PRKG1: variants seen among roughly 807,000 people sequenced by gnomAD.
PRKG1 encodes the protein protein kinase cGMP-dependent 1, also known as cGMP-dependent protein kinase 1.
In PRKG1, 35 loss-of-function variants were observed where a neutral mutation model predicts 88.1. The ratio of observed to expected loss-of-function variants is 0.40; its 90% confidence interval spans 0.30 to 0.53. PRKG1 has a LOEUF of 0.53. Among genes scored for constraint, PRKG1 ranks in the 20% least tolerant of loss-of-function variants. The pLI is 0.59. For missense variants in PRKG1, 540 were observed against 839.8 expected (o/e 0.64, Z 4.41); for synonymous variants, 303 against 292.5 (o/e 1.04, Z -0.37).
At chr10:51,600,552 A>G (rs1838571027) in intron 3 of PRKG1, among the ~76,000 whole-genome samples, 1 of 150,492 alleles carries the variant, frequency 6.6e-6, no homozygotes, top group African/African-American at 2.5e-5. Context: ...AAGTAAAAAG[A>G]AGCAGGTAAA....
intron 3 of PRKG1, among the ~76,000 whole-genome samples, chr10:51,677,837 C>T (rs1440846414): frequency 6.6e-6 from 1 of 152,068 alleles, no homozygotes; most frequent in African/African-American, 2.4e-5. Flanking sequence ...CCCTGGTTTG[C>T]GCATCAGAAG....
At chr10:51,358,097 A>G (rs759269216) in intron 2 of PRKG1, among the ~76,000 whole-genome samples, 20 of 151,882 alleles carry the variant, frequency 1.3e-4, no homozygotes, top group Non-Finnish European at 2.7e-4. Context: ...GAATTTGTGA[A>G]ATGCTCAGCT....
chr10:51,524,215 T>A (rs1205219409), intron 3 of PRKG1, among the ~76,000 whole-genome samples: 1 of 152,206 alleles, frequency 6.6e-6, no homozygotes, highest in Admixed American at 6.5e-5. Flanking sequence ...CATGAGTCAA[T>A]TAAACATCTT....
intron 17 of PRKG1, among the ~76,000 whole-genome samples, chr10:52,293,303 G>A (rs866364151): frequency 6.5e-4 from 98 of 151,730 alleles, no homozygotes; most frequent in Middle Eastern, 3.4e-3. Context: ...TCATGGGTAG[G>A]AAGAATCAAT....
chr10:51,585,019 T>C lies in PRKG1; in HGVS notation c.592+117183T>C, dbSNP rs565556075. Among the ~76,000 whole-genome samples the C allele has an allele frequency of 1.5e-4, 23 of 152,260 alleles. No individual in the cohort carries two copies. The South Asian group carries it at 4.8e-3, about 32-fold the overall frequency. The stretch of plus-strand genomic sequence containing the variant: ...GAATAACAAGTGATAGAATAGGTCT[T>C]ATTAGCAAAATGCATGATAAAATGG... On this transcript the variant is annotated intron_variant, in intron 3 of 17. Transcript: ENST00000373980.
At chr10:52,093,441 A>G (rs1275917992) in intron 7 of PRKG1, among the ~76,000 whole-genome samples, 1 of 152,184 alleles carries the variant, frequency 6.6e-6, no homozygotes, top group Non-Finnish European at 1.5e-5. Context: ...TATTTTATGC[A>G]AAAGCAAATT....
At chr10:51,178,832 G>C (rs1229810313) in intron 2 of PRKG1, among the ~76,000 whole-genome samples, 1 of 151,986 alleles carries the variant, frequency 6.6e-6, no homozygotes, top group African/African-American at 2.4e-5. Context: ...TGAAATTATT[G>C]ATGATGTAAC....
intron 3 of PRKG1, among the ~76,000 whole-genome samples, chr10:51,775,247 T>C (rs971257587): frequency 5.3e-5 from 8 of 152,140 alleles, no homozygotes; most frequent in African/African-American, 1.7e-4. Context: ...ATTTATCTTG[T>C]AGTAACTGGT....
intron 3 of PRKG1, among the ~76,000 whole-genome samples, chr10:51,649,451 C>A (rs943253111): frequency 6.6e-6 from 1 of 151,914 alleles, no homozygotes; most frequent in Non-Finnish European, 1.5e-5. Context: ...TAAGGTGAAC[C>A]CTTTAGTTGC....
intron 9 of PRKG1, among the ~76,000 whole-genome samples, chr10:52,190,234 A>T (rs1364803690): frequency 3.3e-5 from 5 of 152,210 alleles, no homozygotes; most frequent in African/African-American, 9.6e-5. Context: ...ATTGAGCTCT[A>T]CAACTTTTAC....
At position 51,647,150 on chromosome 10, in the gene PRKG1, TAA is replaced by T. The variant is rs10719185; in HGVS notation, c.593-157419_593-157418del. 2.9e-3 allele frequency among the ~76,000 whole-genome samples: 383 copies of T among 132,108 alleles called. 1 individual carries two copies. Among genetic ancestry groups the T allele is most frequent in the African/African-American group, 6.3e-3 (215 of 33,860 alleles). The allele number at this position is 132,108 out of a possible 152,430, so 86.7% of individuals were successfully genotyped here. ...GAGCCAGTGAGTTATGAGATCAAGA[TAA>T]AAAAAAAAAAAAAAACTGGGGTGAA... On this transcript the variant is annotated intron_variant, in intron 3 of 17. Transcript: ENST00000373980.
At chr10:52,239,545 A>AAAAAT (rs1840799582) in intron 9 of PRKG1, among the ~76,000 whole-genome samples, 1 of 145,772 alleles carries the variant, frequency 6.9e-6, no homozygotes, top group Non-Finnish European at 1.5e-5. Flanking sequence ...AAAAAAAAAA[A>AAAAAT]GAATTGTCAT....
intron 7 of PRKG1, among the ~76,000 whole-genome samples, chr10:52,084,769 C>T (rs1846870106): frequency 6.6e-6 from 1 of 151,868 alleles, no homozygotes; most frequent in African/African-American, 2.4e-5. Flanking sequence ...CAGCCCCATG[C>T]CAATTTTGCA....
chr10:51,781,724 A>C (rs567749876), intron 3 of PRKG1, among the ~76,000 whole-genome samples: 2 of 152,116 alleles, frequency 1.3e-5, no homozygotes, highest in Admixed American at 1.3e-4. Context: ...GGGCAGGAAA[A>C]GTAGGCTGTA....
At chr10:51,340,655 C>T (rs556693759) in intron 2 of PRKG1, among the ~76,000 whole-genome samples, 1 of 152,250 alleles carries the variant, frequency 6.6e-6, no homozygotes, top group East Asian at 1.9e-4. Context: ...CAAACCAATA[C>T]ATATCTCATC....
intron 3 of PRKG1, among the ~76,000 whole-genome samples, chr10:51,526,829 G>A (rs1237118735): frequency 1.3e-5 from 2 of 152,094 alleles, no homozygotes; most frequent in African/African-American, 4.8e-5. Context: ...GTTCTGTACT[G>A]TGAAGGACTT....
At chr10:51,853,026 G>T (rs568394756) in intron 4 of PRKG1, among the ~76,000 whole-genome samples, 1 of 151,992 alleles carries the variant, frequency 6.6e-6, no homozygotes, top group South Asian at 2.1e-4. Context: ...CCTCAAACTG[G>T]TGTACACATA....
chr10:52,005,672 G>T (rs1423054413), intron 5 of PRKG1, among the ~76,000 whole-genome samples: 2 of 152,124 alleles, frequency 1.3e-5, no homozygotes, highest in African/African-American at 4.8e-5. Context: ...TAGCCCAGTG[G>T]TTCTACTTCT....
At chr10:51,494,523 T>C (rs1241179545) in intron 3 of PRKG1, among the ~76,000 whole-genome samples, 2 of 152,226 alleles carry the variant, frequency 1.3e-5, no homozygotes, top group Non-Finnish European at 1.5e-5. Context: ...CTTACTGCTA[T>C]GGTGAGAATG....
Sources: allele counts gnomAD v4.1 joint callset (sites outside exome capture counted in the v4.1 genomes callset), GRCh38; gene constraint gnomAD v4.1.1; transcripts MANE v1.5; gene names NCBI Gene and HGNC (gene_info 2026-07-23, HGNC 2026-07-21).